HSPA4L: variants seen among roughly 807,000 people sequenced by gnomAD.
HSPA4L encodes the protein heat shock 70 kDa protein 4L.
In HSPA4L, 48 loss-of-function variants were observed where a neutral mutation model predicts 100.3. That is an observed-to-expected ratio of 0.48 (90% CI 0.38 to 0.61). The LOEUF is 0.61. Ranked by LOEUF, HSPA4L falls within the 20% of genes least tolerant of loss-of-function variation. The probability of loss-of-function intolerance (pLI) is 0.00; values close to 1 mark genes in which losing one functional copy is unlikely to be tolerated. For missense variants in HSPA4L, 886 were observed against 988.6 expected, an observed-to-expected ratio of 0.90 and a Z score of 1.39; for synonymous variants, 319 against 328.2, an observed-to-expected ratio of 0.97 and a Z score of 0.30.
rs1553935546 is a variant in HSPA4L at position 127,835,747 on chromosome 4, C to CAA, written c.*2875_*2876dup. On this transcript the variant is annotated 3_prime_UTR_variant, in exon 19 of 19. Transcript: ENST00000296464. ...TTCCAAAAAACTAGAAAGAGCACAG[C>CAA]AAAGAATTTGGCTATTGAAATAACA... The CAA allele has an allele frequency of 6.6e-6, 1 of 150,910 alleles. No individual in the cohort carries two copies. The highest frequency in any genetic ancestry group is 2.4e-5 in the African/African-American group (1 of 41,036). The allele number at this position is 150,910 out of a possible 1,614,324, so 9.3% of individuals were successfully genotyped here. A position where few individuals can be genotyped will look rare whatever the true frequency, so the allele number is the denominator to read the frequency against.
rs919683471 is a variant in HSPA4L, at chr4:127,836,842, C to T, written c.*3968C>T. The T allele has an allele frequency of 1.3e-5, 2 of 152,046 alleles. No individual in the cohort carries two copies. Among genetic ancestry groups the T allele is most frequent in the Admixed American group, 1.3e-4 (2 of 15,262 alleles). 9.4% of individuals were successfully genotyped at this position (152,046 alleles called of 1,614,324 possible). On this transcript the variant is annotated 3_prime_UTR_variant, in exon 19 of 19. Coordinates refer to ENST00000296464, the MANE Select transcript of HSPA4L (RefSeq NM_014278.4). ...TAAATAGTTGGTATTTGGTAGTCCA[C>T]AATTAAAGTCATTGCATTAATTTTA...
At position 127,836,943 on chromosome 4, in the gene HSPA4L, T is replaced by G. The variant is rs542904213; in HGVS notation, c.*4069T>G. The stretch of plus-strand genomic sequence containing the variant: ...TCTCAGTTTTTAAAAGTTTACAAAA[T>G]TTTTTTTTTTGTTTTGAGACAGAGT... On this transcript the variant is annotated 3_prime_UTR_variant, in exon 19 of 19. Coordinates refer to ENST00000296464, the MANE Select transcript of HSPA4L (RefSeq NM_014278.4). 6.7e-6 allele frequency: 1 copy of G among 148,258 alleles called. No individual in the cohort carries two copies. The highest frequency in any genetic ancestry group is 1.5e-5 in the Non-Finnish European group (1 of 66,664). The allele number at this position is 148,258 out of a possible 1,614,324, so 9.2% of individuals were successfully genotyped here. A position where few individuals can be genotyped will look rare whatever the true frequency, so the allele number is the denominator to read the frequency against.
In HSPA4L at chr4:127,805,054, A is replaced by C; in HGVS notation, c.986-19A>C. On this transcript the variant is annotated intron_variant, in intron 8 of 18. Transcript: ENST00000296464. ...ATTTTTAAAGACTATCATTTTTCTC[A>C]ATTAAAAAAATTTTCCAGACTTACA... 6.5e-7 allele frequency: 1 copy of C among 1,546,156 alleles called. No homozygotes were observed. Among genetic ancestry groups the C allele is most frequent in the Non-Finnish European group, 8.8e-7 (1 of 1,140,434 alleles).
chr4:127,821,744 T>C (rs758901155), intron 14 of HSPA4L, among the ~76,000 whole-genome samples: 16 of 152,128 alleles, frequency 1.1e-4, no homozygotes, highest in Non-Finnish European at 1.5e-4. Flanking sequence ...ACCAGTTATG[T>C]GTCAAACATG....
At chr4:127,803,973 A>C in intron 7 of HSPA4L, 38 bp from the exon 8 acceptor site, 1 of 1,609,400 alleles carries the variant, frequency 6.2e-7, no homozygotes, top group Non-Finnish European at 8.5e-7. Context: ...CTCAACTTTT[A>C]ATCCCAGAAT....
At chr4:127,823,422 T>G in intron 15 of HSPA4L, 95 bp from the exon 16 acceptor site, 2 of 792,892 alleles carry the variant, frequency 2.5e-6, no homozygotes, top group Non-Finnish European at 4.1e-6. Flanking sequence ...GTGTTGGGAT[T>G]ACAGGCATGA....
intron 10 of HSPA4L, 100 bp from the exon 11 acceptor site, chr4:127,807,896 G>T: frequency 8.9e-7 from 1 of 1,129,844 alleles, no homozygotes; most frequent in Non-Finnish European, 1.3e-6. Context: ...AGAGATTTTT[G>T]CAGTTGCTGC....
intron 10 of HSPA4L, 99 bp from the exon 11 acceptor site, chr4:127,807,897 C>A: frequency 8.8e-7 from 1 of 1,136,242 alleles, no homozygotes. Flanking sequence ...GAGATTTTTG[C>A]AGTTGCTGCT....
At chr4:127,789,178 A>G (rs1169024102) in intron 1 of HSPA4L, among the ~76,000 whole-genome samples, 2 of 152,230 alleles carry the variant, frequency 1.3e-5, no homozygotes, top group African/African-American at 2.4e-5. Flanking sequence ...AAATACAGAT[A>G]CAGCTTTCTT....
chr4:127,782,076 T>C (rs1189050513), upstream of HSPA4L: 1 of 455,480 alleles, frequency 2.2e-6, no homozygotes, highest in Non-Finnish European at 4.4e-6. Context: ...CTAGCCTCCT[T>C]TCCCCGATCC....
At position 127,782,574 on chromosome 4, in the gene HSPA4L, C is replaced by A; in HGVS notation, c.24C>A (p.Leu8=). The change falls in exon 1 of 19, where the codon CTC becomes CTA. Residue 8 remains leucine (L), a synonymous_variant. Transcript: ENST00000296464. MSVVGID[L]GFLNCYIAVA... ...GGATGTCTGTGGTTGGCATTGACCT[C>A]GGCTTTCTCAACTGCTACATTGCTG... is the stretch of plus-strand genomic sequence containing the variant. 1 of 1,614,116 alleles carries A rather than the reference C, an allele frequency of 6.2e-7. No homozygotes were observed. The highest frequency in any genetic ancestry group is 8.5e-7 in the Non-Finnish European group (1 of 1,180,004).
intron 1 of HSPA4L, 125 bp from the exon 2 acceptor site, chr4:127,793,952 C>A (rs1560652673): frequency 5.4e-6 from 3 of 554,018 alleles, no homozygotes; most frequent in Non-Finnish European, 9.2e-6. Flanking sequence ...TTTGCATAAC[C>A]TATTTTTAAA....
In HSPA4L at chr4:127,811,597, G is replaced by A; in HGVS notation, c.1539G>A (p.Glu513=). 6.2e-7 allele frequency: 1 copy of A among 1,613,764 alleles called. No individual in the cohort carries two copies. The highest frequency in any genetic ancestry group is 8.5e-7 in the Non-Finnish European group (1 of 1,179,918). The change falls in exon 12 of 19, where the codon GAG becomes GAA. Residue 513 remains glutamate, a synonymous_variant. Coordinates refer to ENST00000296464, the MANE Select transcript of HSPA4L (RefSeq NM_014278.4). The part of the protein sequence containing the change: ...LEGDHSDAPM[E]TETSFKNENK... The stretch of plus-strand genomic sequence containing the variant: ...GCGATCACAGTGATGCTCCAATGGA[G>A]ACAGAAACTTCATTTAAAAATGAAA...
Position 127,820,574 on chromosome 4 carries a change from A to G in HSPA4L, c.1812+9A>G. 6.3e-7 allele frequency: 1 copy of G among 1,590,596 alleles called. No individual in the cohort carries two copies. Among genetic ancestry groups the G allele is most frequent in the Non-Finnish European group, 8.5e-7 (1 of 1,172,470 alleles). ...GCTACATTGAAAATGAGGTATGTAA[A>G]TCTGAGTTGATGCTGAAATAGGTGG... On this transcript the variant is annotated intron_variant, in intron 14 of 18. Transcript: ENST00000296464.
rs1444916011 is a variant in HSPA4L at position 127,803,796 on chromosome 4, G to A, written c.831G>A (p.Met277Ile). Residue 277 changes from methionine to isoleucine, a missense_variant, in exon 7 of 19, where the codon ATG becomes ATA. Physicochemically the swap from Met to Ile is conservative, Grantham distance 10. Transcript: ENST00000296464. ...YQECEKLKKL[M>I]SANASDLPLN... ...AATGTGAAAAACTAAAGAAGCTAAT[G>A]AGTGCAAATGCATCAGATCTTCCAT... The A allele has an allele frequency of 1.2e-6, 2 of 1,613,878 alleles. No homozygotes were observed. The highest frequency in any genetic ancestry group is 2.2e-5 in the East Asian group (1 of 44,848).
At chr4:127,787,622 T>C (rs113636921) in intron 1 of HSPA4L, among the ~76,000 whole-genome samples, 5,294 of 152,256 alleles carry the variant, frequency 0.035, 283 homozygotes, top group African/African-American at 0.12. Flanking sequence ...CTCAAAATAT[T>C]GTGGACATCT....
At chr4:127,822,943 C>T (rs1461128617) in intron 15 of HSPA4L, 49 bp downstream of exon 15, 1 of 1,538,172 alleles carries the variant, frequency 6.5e-7, no homozygotes, top group South Asian at 1.2e-5. Flanking sequence ...TAAAGGTTTA[C>T]TCGAGAATGC....
At chr4:127,820,337 C>T in intron 13 of HSPA4L, 91 bp from the exon 14 acceptor site, 1 of 1,057,526 alleles carries the variant, frequency 9.5e-7, no homozygotes, top group Admixed American at 3.1e-5. Context: ...TATAACAGAT[C>T]ATAATCGTTT....
Position 127,818,326 on chromosome 4 carries a change from A to G in HSPA4L, c.1580A>G (p.Asp527Gly), listed in dbSNP as rs1733725870. The G allele has an allele frequency of 1.2e-6, 2 of 1,602,314 alleles. No individual in the cohort carries two copies. The highest frequency in any genetic ancestry group is 1.7e-6 in the Non-Finnish European group (2 of 1,171,320). Residue 527 changes from aspartate to glycine, a missense_variant and splice_region_variant, in exon 13 of 19, where the codon GAT becomes GGT. Asp to Gly is a moderately conservative substitution (Grantham distance 94). Transcript: ENST00000296464. ...SFKNENKDNM[D>G]KMQVDQEEGH... The stretch of plus-strand genomic sequence containing the variant: ...ATCAATTATGTATTTTCTTTCTAGG[A>G]TAAAATGCAGGTTGATCAAGAAGAA...
Sources: allele counts gnomAD v4.1 joint callset (sites outside exome capture counted in the v4.1 genomes callset), GRCh38; gene constraint gnomAD v4.1.1; transcripts MANE v1.5; gene names NCBI Gene and HGNC (gene_info 2026-07-23, HGNC 2026-07-21).